The following CBFA2T3 variants were observed in gnomAD, a reference collection of about 807,000 sequenced individuals.
CBFA2T3 encodes CBFA2/RUNX1 partner transcriptional co-repressor 3.
A neutral mutation model predicts 58.6 loss-of-function variants in CBFA2T3; 31 were observed. That is an observed-to-expected ratio of 0.53 (90% CI 0.40 to 0.71). The LOEUF (loss-of-function observed/expected upper bound fraction) is 0.71. CBFA2T3 is among the 30% of genes least tolerant of loss of function. CBFA2T3 has a pLI of 0.00. For synonymous variants in CBFA2T3, 531 were observed against 421.9 expected, an observed-to-expected ratio of 1.26 and a Z score of -3.17; for missense variants, 1,076 against 963.1, an observed-to-expected ratio of 1.12 and a Z score of -1.55.
chr16:88,957,091 C>T (rs560032737), intron 1 of CBFA2T3, among the ~76,000 whole-genome samples: 4 of 152,348 alleles, frequency 2.6e-5, no homozygotes, highest in South Asian at 4.1e-4. Context: ...GGAACAAAAC[C>T]GCCCTTGGGC....
chr16:88,934,732 CAGA>C (rs1173843111), intron 1 of CBFA2T3, among the ~76,000 whole-genome samples: 5 of 152,226 alleles, frequency 3.3e-5, no homozygotes, highest in Non-Finnish European at 7.3e-5. Flanking sequence ...CCCCGAAGTT[CAGA>C]AGGACGCATT....
At chr16:88,944,230 G>A (rs992705798) in intron 1 of CBFA2T3, among the ~76,000 whole-genome samples, 4 of 151,708 alleles carry the variant, frequency 2.6e-5, no homozygotes, top group Admixed American at 6.6e-5. Context: ...CCAGCTACTC[G>A]GGAGGCTGAG....
chr16:88,950,994 G>A (rs563207752), intron 1 of CBFA2T3: 4 of 438,778 alleles, frequency 9.1e-6, no homozygotes, highest in Non-Finnish European at 1.3e-5. Flanking sequence ...CCTGTCTTCC[G>A]GATCTGTTCA....
chr16:88,904,052 C>T (rs1415903243), intron 1 of CBFA2T3, among the ~76,000 whole-genome samples: 3 of 152,230 alleles, frequency 2.0e-5, no homozygotes, highest in African/African-American at 4.8e-5. Context: ...CATGCCACGG[C>T]GCAAGGAGTC....
chr16:88,932,533 G>A (rs1244735573), intron 1 of CBFA2T3, among the ~76,000 whole-genome samples: 1 of 152,032 alleles, frequency 6.6e-6, no homozygotes, highest in Non-Finnish European at 1.5e-5. Context: ...CATAGTCCCA[G>A]CTACTCTGTA....
chr16:88,945,008 A>G (rs942173188), intron 1 of CBFA2T3, among the ~76,000 whole-genome samples: 6 of 152,262 alleles, frequency 3.9e-5, no homozygotes, highest in African/African-American at 1.4e-4. Context: ...GCTGACCTTC[A>G]GAAAATAGTT....
At chr16:88,926,350 GC>G (rs1263903641) in intron 1 of CBFA2T3, among the ~76,000 whole-genome samples, 3 of 152,162 alleles carry the variant, frequency 2.0e-5, no homozygotes, top group Non-Finnish European at 2.9e-5. Context: ...ACCACTGAAG[GC>G]CCCCCAAGCG....
intron 1 of CBFA2T3, among the ~76,000 whole-genome samples, chr16:88,942,877 T>C (rs1440735818): frequency 1.3e-5 from 2 of 151,660 alleles, no homozygotes; most frequent in Non-Finnish European, 2.9e-5. Flanking sequence ...TGCTTGCCCA[T>C]GTGGCTCAGC....
chr16:88,932,548 G>A (rs1036563354), intron 1 of CBFA2T3, among the ~76,000 whole-genome samples: 1 of 152,124 alleles, frequency 6.6e-6, no homozygotes, highest in African/African-American at 2.4e-5. Context: ...TCTGTAGGCT[G>A]AAGGGGGAGG....
chr16:88,960,006 G>A (rs940303044), intron 1 of CBFA2T3, among the ~76,000 whole-genome samples: 2 of 152,086 alleles, frequency 1.3e-5, no homozygotes, highest in Non-Finnish European at 1.5e-5. Context: ...TCCAGCCTGG[G>A]TGACAGAGCC....
chr16:88,891,885 C>A lies in CBFA2T3; in HGVS notation c.708G>T (p.Leu236=). The A allele has an allele frequency of 6.2e-7, 1 of 1,610,360 alleles. No homozygotes were observed. Among genetic ancestry groups the A allele is most frequent in the Non-Finnish European group, 8.5e-7 (1 of 1,177,388 alleles). ...CGGGGGACGGGTTTCGCATTACCTT[C>A]AGGAAGGGAATGACAAACGGCCGCA... ...FPLRPFVIPF[L]KANLPLLQRE... is the part of the protein sequence containing the mutation. Residue 236 remains leucine, a synonymous_variant, in exon 5 of 12, where the codon CTG becomes CTT. Transcript: ENST00000268679.
At chr16:88,950,147 C>T (rs1314333804) in intron 1 of CBFA2T3, 1 of 455,610 alleles carries the variant, frequency 2.2e-6, no homozygotes, top group Non-Finnish European at 4.4e-6. Context: ...TCTGTCTCTG[C>T]TTGTTCTGCG....
At chr16:88,928,725 G>T (rs1275038789) in intron 1 of CBFA2T3, among the ~76,000 whole-genome samples, 1 of 152,210 alleles carries the variant, frequency 6.6e-6, no homozygotes, top group Non-Finnish European at 1.5e-5. Flanking sequence ...GACCTCGGAC[G>T]GGAGCCCAGG....
intron 1 of CBFA2T3, chr16:88,938,695 TG>T (rs945270266): frequency 6.6e-6 from 1 of 152,218 alleles, no homozygotes; most frequent in Non-Finnish European, 1.5e-5. Context: ...CCCTCCATGC[TG>T]GGTCTGAACA....
intron 1 of CBFA2T3, among the ~76,000 whole-genome samples, chr16:88,976,297 A>T (rs539660987): frequency 1.3e-3 from 196 of 152,232 alleles, no homozygotes; most frequent in Non-Finnish European, 1.8e-3. Flanking sequence ...TCCCAGGAGG[A>T]GGAGGGCTCT....
At position 88,958,499 on chromosome 16, in the gene CBFA2T3, C is replaced by T. The variant is rs748480459; in HGVS notation, c.151+18158G>A. Among the ~76,000 whole-genome samples the T allele has an allele frequency of 1.1e-4, 16 of 152,142 alleles. No homozygotes were observed. Among genetic ancestry groups the T allele is most frequent in the South Asian group, 1.0e-3 (5 of 4,828 alleles). On this transcript the variant is annotated intron_variant, in intron 1 of 11. Coordinates refer to ENST00000268679, the MANE Select transcript of CBFA2T3 (RefSeq NM_005187.6). This position sits in a 1 kb window ranked among gnomAD's most constrained non-coding sequence, Gnocchi z 4.0. ...AGAGTGACACCAGGTCCCGGTGCAG[C>T]GCTCGTGAGTGCCCCACATCCCTGG...
At position 88,906,696 on chromosome 16, in the gene CBFA2T3, C is replaced by T. The variant is rs374889053; in HGVS notation, c.152-5040G>A. 1.2e-4 allele frequency among the ~76,000 whole-genome samples: 19 copies of T among 152,358 alleles called. No individual in the cohort carries two copies. In the East Asian group the frequency reaches 3.5e-3, roughly 28 times the overall value. On this transcript the variant is annotated intron_variant, in intron 1 of 11. Coordinates refer to ENST00000268679, the MANE Select transcript of CBFA2T3 (RefSeq NM_005187.6). ...ATTCTCAGCACCGTCTACCCGCTGC[C>T]CCATGAGGCGGGCCCTGTCACTACG...
intron 8 of CBFA2T3, 42 bp from the exon 9 acceptor site, chr16:88,881,531 G>C (rs376300984): frequency 7.0e-6 from 11 of 1,566,976 alleles, no homozygotes; most frequent in East Asian, 6.8e-5. Context: ...CAGAGGGACC[G>C]GGACGCACCA....
At chr16:88,933,777 G>A (rs1175910569) in intron 1 of CBFA2T3, among the ~76,000 whole-genome samples, 2 of 136,276 alleles carry the variant, frequency 1.5e-5, no homozygotes, top group African/African-American at 2.5e-5. Context: ...AGTGCCACAC[G>A]TCTGCGTCCC....
Sources: allele counts gnomAD v4.1 joint callset (sites outside exome capture counted in the v4.1 genomes callset), GRCh38; gene constraint gnomAD v4.1.1; non-coding constraint Gnocchi (gnomAD v3.1); transcripts MANE v1.5; gene names NCBI Gene and HGNC (gene_info 2026-07-23, HGNC 2026-07-21).